Variants in MTNR1A observed in about 807,000 individuals in gnomAD.
MTNR1A encodes melatonin receptor 1A.
In MTNR1A, 7 loss-of-function variants were observed where a neutral mutation model predicts 5.5. The observed-to-expected ratio is 1.28, with a 90% CI of 0.73 to 2.40. MTNR1A has a LOEUF of 2.40. Among genes scored for constraint, MTNR1A ranks in the 30% most tolerant of loss-of-function variants. The pLI, the probability that MTNR1A is intolerant of heterozygous loss-of-function variation, is 0.00. For missense variants in MTNR1A, 441 were observed against 464.4 expected (o/e 0.95, Z 0.46); for synonymous variants, 196 against 202.7 (o/e 0.97, Z 0.28).
chr4:186,542,330 C>T (rs1009740259), intron 1 of MTNR1A, among the ~76,000 whole-genome samples: 1 of 152,180 alleles, frequency 6.6e-6, no homozygotes, highest in Non-Finnish European at 1.5e-5. Flanking sequence ...GCCCTTAAAT[C>T]TTCCAGCAAC....
intron 1 of MTNR1A, among the ~76,000 whole-genome samples, chr4:186,549,914 G>A (rs1183130593): frequency 4.6e-5 from 7 of 152,130 alleles, no homozygotes; most frequent in Non-Finnish European, 7.3e-5. Flanking sequence ...AAGTGAGCAC[G>A]CTTTTAAACC....
At chr4:186,545,478 G>C (rs185890776) in intron 1 of MTNR1A, among the ~76,000 whole-genome samples, 1 of 152,140 alleles carries the variant, frequency 6.6e-6, no homozygotes, top group Non-Finnish European at 1.5e-5. Flanking sequence ...CACAGAGCCT[G>C]GCCCATATTA....
At chr4:186,541,031 A>G (rs1046642436) in intron 1 of MTNR1A, among the ~76,000 whole-genome samples, 1 of 152,056 alleles carries the variant, frequency 6.6e-6, no homozygotes, top group African/African-American at 2.4e-5. Flanking sequence ...TGCAAGAGCA[A>G]GTGGCTCAGA....
intron 1 of MTNR1A, among the ~76,000 whole-genome samples, chr4:186,540,402 G>A (rs933277517): frequency 2.6e-5 from 4 of 152,210 alleles, no homozygotes; most frequent in African/African-American, 4.8e-5. Flanking sequence ...GGAACCCATG[G>A]ATATGGAGGG....
At chr4:186,546,271 C>T (rs1372103085) in intron 1 of MTNR1A, among the ~76,000 whole-genome samples, 1 of 152,062 alleles carries the variant, frequency 6.6e-6, no homozygotes. Flanking sequence ...AGGGAGGATC[C>T]TCCCTGATCC....
intron 1 of MTNR1A, among the ~76,000 whole-genome samples, chr4:186,552,064 T>C (rs1737276025): frequency 6.6e-6 from 1 of 152,158 alleles, no homozygotes; most frequent in Non-Finnish European, 1.5e-5. Flanking sequence ...ATGAATCAGG[T>C]GATGATAATA....
intron 1 of MTNR1A, among the ~76,000 whole-genome samples, chr4:186,545,908 CA>C (rs1183176227): frequency 1.3e-5 from 2 of 152,212 alleles, no homozygotes; most frequent in African/African-American, 4.8e-5. Context: ...TTCGAGGCAT[CA>C]AAGCACACAG....
chr4:186,534,135 C>T lies in MTNR1A; in HGVS notation c.607G>A (p.Val203Ile). 1 of 1,613,912 alleles carries T rather than the reference C, an allele frequency of 6.2e-7. No individual in the cohort carries two copies. The highest frequency in any genetic ancestry group is 8.5e-7 in the Non-Finnish European group (1 of 1,179,856). ...CATATTCTCAGGTAACAGAAGATGACTATGATCATGGGGACGAGGAAGTGG... is the reference window on the plus strand; with the variant it reads ...CATATTCTCAGGTAACAGAAGATGATTATGATCATGGGGACGAGGAAGTGG... ...VFHFLVPMIIVIFCYLRIWIL... is the reference protein window; with the variant it reads ...VFHFLVPMIIIIFCYLRIWIL... Residue 203 changes from valine to isoleucine, a missense_variant, in exon 2 of 2, where the codon GTC (valine) becomes ATC (isoleucine). By Grantham distance (29) the Val-to-Ile change is conservative. Coordinates refer to ENST00000307161, the MANE Select transcript of MTNR1A (RefSeq NM_005958.4).
At chr4:186,552,630 A>G (rs1737287332) in intron 1 of MTNR1A, among the ~76,000 whole-genome samples, 1 of 152,182 alleles carries the variant, frequency 6.6e-6, no homozygotes, top group Non-Finnish European at 1.5e-5. Context: ...GTATTCTCAT[A>G]TGCGCCACTT....
intron 1 of MTNR1A, among the ~76,000 whole-genome samples, chr4:186,547,894 T>A (rs1020254387): frequency 2.0e-5 from 3 of 152,212 alleles, no homozygotes; most frequent in Non-Finnish European, 4.4e-5. Flanking sequence ...ATAATCCTGC[T>A]CATTTTCTAT....
intron 1 of MTNR1A, among the ~76,000 whole-genome samples, chr4:186,539,329 G>A (rs887231437): frequency 6.6e-6 from 1 of 151,986 alleles, no homozygotes; most frequent in East Asian, 1.9e-4. Flanking sequence ...CCATACAAAG[G>A]GTTGGACGTA....
rs1039036735 is a variant in MTNR1A, at chr4:186,555,295, G to T, written c.71C>A (p.Ser24Ter). 1 of 1,548,698 alleles carries T rather than the reference G, an allele frequency of 6.5e-7. No individual in the cohort carries two copies. The highest frequency in any genetic ancestry group is 8.7e-7 in the Non-Finnish European group (1 of 1,146,854). The change falls in exon 1 of 2, where the codon TCG becomes TAG. Residue 24 changes from serine to a stop codon, truncating the protein, a stop_gained. Coordinates refer to ENST00000307161, the MANE Select transcript of MTNR1A (RefSeq NM_005958.4). LOFTEE classifies it high-confidence loss of function. The surrounding 1 kb of genome is among the most constrained non-coding windows in gnomAD (Gnocchi z 4.1). The part of the protein sequence containing the change: ...PVLRGDGARP[S>*]WLASALACVL... ...GCAGGCCAGGGCGGACGCCAGCCAC[G>T]AGGGCCGCGCGCCGTCCCCGCGGAG...
chr4:186,544,037 T>C (rs1408635674), intron 1 of MTNR1A, among the ~76,000 whole-genome samples: 2 of 151,956 alleles, frequency 1.3e-5, no homozygotes, highest in African/African-American at 4.8e-5. Context: ...TGAGATGGAG[T>C]CTGGCTCTGT....
intron 1 of MTNR1A, among the ~76,000 whole-genome samples, chr4:186,554,664 G>A (rs796763960): frequency 2.0e-5 from 3 of 152,318 alleles, no homozygotes; most frequent in African/African-American, 7.2e-5. Flanking sequence ...ACTTGGAGGA[G>A]CCGCCGCCTG....
chr4:186,540,638 G>T (rs1736993953), intron 1 of MTNR1A, among the ~76,000 whole-genome samples: 1 of 152,168 alleles, frequency 6.6e-6, no homozygotes, highest in African/African-American at 2.4e-5. Context: ...TCTATCTGAA[G>T]GACCAGGTGC....
chr4:186,546,521 A>T (rs1338308293), intron 1 of MTNR1A, among the ~76,000 whole-genome samples: 1 of 152,062 alleles, frequency 6.6e-6, no homozygotes, highest in Non-Finnish European at 1.5e-5. Context: ...TACCCTCTTC[A>T]TGTGACACGC....
intron 1 of MTNR1A, among the ~76,000 whole-genome samples, chr4:186,553,202 T>C (rs1250659423): frequency 6.6e-6 from 1 of 152,230 alleles, no homozygotes; most frequent in Non-Finnish European, 1.5e-5. Context: ...TCAAAACTTT[T>C]AATAAGCATA....
At chr4:186,539,487 C>T (rs1736956934) in intron 1 of MTNR1A, among the ~76,000 whole-genome samples, 1 of 152,146 alleles carries the variant, frequency 6.6e-6, no homozygotes, top group African/African-American at 2.4e-5. Context: ...TATGTGTTGA[C>T]ACTTAATCGC....
Position 186,550,162 on chromosome 4 carries a change from A to G in MTNR1A, c.184+5020T>C, listed in dbSNP as rs759377918. On this transcript the variant is annotated intron_variant, in intron 1 of 1. Coordinates refer to ENST00000307161, the MANE Select transcript of MTNR1A (RefSeq NM_005958.4). The stretch of plus-strand genomic sequence containing the variant: ...TAAAAATCACAGAGATATCACATAC[A>G]GCGCTCAGGTTCCTGGTCACCTTGA... Among the ~76,000 whole-genome samples the G allele has an allele frequency of 1.1e-3, 163 of 152,318 alleles. 1 individual carries two copies. Among genetic ancestry groups the G allele is most frequent in the Non-Finnish European group, 1.8e-3 (123 of 68,026 alleles).
Sources: gnomAD v4.1 joint callset for allele counts (sites outside exome capture counted in the v4.1 genomes callset) on GRCh38, gnomAD v4.1.1 for gene constraint, Gnocchi (gnomAD v3.1) non-coding constraint, MANE v1.5 for transcripts, NCBI Gene and HGNC (gene_info 2026-07-23, HGNC 2026-07-21) for gene names.